The following ZNF385D variants were observed in gnomAD, a reference collection of about 807,000 sequenced individuals.
ZNF385D encodes the protein zinc finger protein 659.
Under a neutral mutation model 35.8 loss-of-function variants are expected in ZNF385D, and 15 were observed. The observed-to-expected ratio is 0.42, with a 90% confidence interval of 0.28 to 0.64. The LOEUF (loss-of-function observed/expected upper bound fraction) is 0.64, where lower values mean the gene tolerates loss of function less well. Ranked by LOEUF, ZNF385D falls within the 30% of genes least tolerant of loss-of-function variation. ZNF385D has a pLI of 0.23. For synonymous variants in ZNF385D, 212 were observed against 186.8 expected (o/e 1.13, Z -1.10); for missense variants, 474 against 494.6 (o/e 0.96, Z 0.39).
intron 3 of ZNF385D, among the ~76,000 whole-genome samples, chr3:21,977,999 G>C (rs1427732487): frequency 2.0e-5 from 3 of 152,122 alleles, no homozygotes; most frequent in African/African-American, 4.8e-5. Flanking sequence ...ATAGCCAAAG[G>C]AAAGAACTAG....
At chr3:21,866,711 A>G (rs747656583) in intron 3 of ZNF385D, among the ~76,000 whole-genome samples, 1 of 152,164 alleles carries the variant, frequency 6.6e-6, no homozygotes, top group Non-Finnish European at 1.5e-5. Flanking sequence ...TTTGGCATAA[A>G]TAGTAGCTAG....
rs143940046 is a variant in ZNF385D at position 22,032,946 on chromosome 3, T to C, written c.325+135871A>G. 4.4e-3 allele frequency among the ~76,000 whole-genome samples: 676 copies of C among 152,154 alleles called. 3 individuals are homozygous for C. Among genetic ancestry groups the C allele is most frequent in the African/African-American group, 0.015 (626 of 41,500 alleles). ...TGCCCAAAGTCCCACAGCTAGCAAA[T>C]AGTAGCATGAAAGTTTGATCTGCAT... On this transcript the variant is annotated intron_variant, in intron 3 of 5. Transcript: ENST00000494108.
intron 3 of ZNF385D, among the ~76,000 whole-genome samples, chr3:21,801,276 G>A (rs1023662380): frequency 2.0e-5 from 3 of 152,060 alleles, no homozygotes; most frequent in African/African-American, 7.2e-5. Flanking sequence ...AGACATATTA[G>A]TCTATAGTTT....
chr3:22,192,929 T>C (rs1696157357), intron 2 of ZNF385D, among the ~76,000 whole-genome samples: 1 of 152,158 alleles, frequency 6.6e-6, no homozygotes, highest in Non-Finnish European at 1.5e-5. Flanking sequence ...ATACTGAATG[T>C]TTGAGTACCT....
intron 4 of ZNF385D, among the ~76,000 whole-genome samples, chr3:21,439,162 T>C (rs1017571788): frequency 6.6e-6 from 1 of 151,960 alleles, no homozygotes; most frequent in African/African-American, 2.4e-5. Context: ...TATGTATTTA[T>C]AAAGTAATTC....
intron 2 of ZNF385D, among the ~76,000 whole-genome samples, chr3:22,261,731 G>A (rs1393102675): frequency 3.9e-5 from 6 of 151,916 alleles, no homozygotes. Context: ...TTGCCTCCAG[G>A]TTGTCGTGTT....
intron 4 of ZNF385D, among the ~76,000 whole-genome samples, chr3:21,502,568 A>C (rs1364931782): frequency 6.6e-6 from 1 of 152,206 alleles, no homozygotes; most frequent in South Asian, 2.1e-4. Context: ...TAATTTCCTC[A>C]TGCACAACAA....
chr3:22,197,582 C>A (rs917308524), intron 2 of ZNF385D, among the ~76,000 whole-genome samples: 1 of 152,072 alleles, frequency 6.6e-6, no homozygotes, highest in Non-Finnish European at 1.5e-5. Context: ...GGCCCTTACT[C>A]CTAGAGTGCA....
chr3:22,173,231 T>C (rs920517914), intron 2 of ZNF385D, among the ~76,000 whole-genome samples: 1 of 152,020 alleles, frequency 6.6e-6, no homozygotes, highest in Non-Finnish European at 1.5e-5. Context: ...TAAAACTAAA[T>C]GAAATGTGGT....
chr3:21,968,968 C>T (rs554290435), intron 3 of ZNF385D, among the ~76,000 whole-genome samples: 58 of 152,274 alleles, frequency 3.8e-4, no homozygotes, highest in African/African-American at 1.4e-3. Context: ...CTGGACTTGG[C>T]TTGGGCCAGA....
intron 3 of ZNF385D, among the ~76,000 whole-genome samples, chr3:22,081,439 C>G (rs1700745717): frequency 6.6e-6 from 1 of 152,138 alleles, no homozygotes; most frequent in Non-Finnish European, 1.5e-5. Flanking sequence ...ATACTGTAAG[C>G]AAGTTTTTAG....
intron 3 of ZNF385D, among the ~76,000 whole-genome samples, chr3:21,994,875 C>T (rs1695366110): frequency 6.6e-6 from 1 of 152,204 alleles, no homozygotes. Context: ...GGTGGTAAGG[C>T]TTGGCTATGT....
chr3:22,317,301 A>AG, intron 2 of ZNF385D, among the ~76,000 whole-genome samples: 1 of 150,232 alleles, frequency 6.7e-6, no homozygotes, highest in Non-Finnish European at 1.5e-5. Flanking sequence ...AAAAAAAAAA[A>AG]AAAAGGAAAA....
intron 1 of ZNF385D, among the ~76,000 whole-genome samples, chr3:21,694,002 C>A (rs1449783607): frequency 1.4e-5 from 2 of 142,106 alleles, no homozygotes; most frequent in African/African-American, 5.2e-5. Flanking sequence ...CCTCAGCCTC[C>A]TGCGTAGCTG....
intron 3 of ZNF385D, among the ~76,000 whole-genome samples, chr3:21,790,761 TC>T (rs1402485596): frequency 3.3e-5 from 5 of 152,224 alleles, no homozygotes; most frequent in Non-Finnish European, 7.3e-5. Flanking sequence ...CTTTTCTCTC[TC>T]CATATGAGAA....
chr3:21,610,779 A>C (rs77924530), intron 2 of ZNF385D, among the ~76,000 whole-genome samples: 2,810 of 134,366 alleles, frequency 0.021, 70 homozygotes, highest in African/African-American at 0.055. Flanking sequence ...CGTCCCCCCC[A>C]AAAAAAAAAA....
rs34167369 is a variant in ZNF385D, at chr3:21,895,319, CTTTTTTTTTTTT to C, written c.326-230303_326-230292del. 8.0e-5 allele frequency among the ~76,000 whole-genome samples: 5 copies of C among 62,698 alleles called. No individual in the cohort carries two copies. The East Asian group carries it at 3.4e-3, about 43-fold the overall frequency. The allele number at this position is 62,698 out of a possible 152,430, so 41.1% of individuals were successfully genotyped here. A position where few individuals can be genotyped will look rare whatever the true frequency, so the allele number is the denominator to read the frequency against. On this transcript the variant is annotated intron_variant, in intron 3 of 5. Coordinates refer to the ZNF385D transcript ENST00000494108. ...ATGGTTGAATCACTGAAATGTGTGG[CTTTTTTTTTTTT>C]TTTTTTTTTTTTTTAAGACAGAGTC...
At chr3:21,916,745 G>C (rs1456807258) in intron 3 of ZNF385D, among the ~76,000 whole-genome samples, 1 of 152,154 alleles carries the variant, frequency 6.6e-6, no homozygotes, top group African/African-American at 2.4e-5. Context: ...CTTATTGTTT[G>C]ATATTTGGGC....
At chr3:22,370,177 C>T (rs1559546124) in intron 2 of ZNF385D, among the ~76,000 whole-genome samples, 1 of 152,064 alleles carries the variant, frequency 6.6e-6, no homozygotes, top group Non-Finnish European at 1.5e-5. Flanking sequence ...AATTTAAAAT[C>T]CTGTCAGGAT....
Sources: gnomAD v4.1 joint callset for allele counts (sites outside exome capture counted in the v4.1 genomes callset) on GRCh38, gnomAD v4.1.1 for gene constraint, MANE v1.5 for transcripts, NCBI Gene and HGNC (gene_info 2026-07-23, HGNC 2026-07-21) for gene names.